ZSWIM6: variants seen among roughly 807,000 people sequenced by gnomAD.
ZSWIM6 encodes zinc finger SWIM domain-containing protein 6.
Under a neutral mutation model 113.2 loss-of-function variants are expected in ZSWIM6, and 9 were observed. That is an observed-to-expected ratio of 0.08 (90% confidence interval 0.05 to 0.14). ZSWIM6 has a LOEUF of 0.14. Among genes scored for constraint, ZSWIM6 ranks in the 10% least tolerant of loss-of-function variants. The pLI is 1.00. For missense variants in ZSWIM6, 1,162 were observed against 1,552.2 expected, an observed-to-expected ratio of 0.75 and a Z score of 4.22; for synonymous variants, 611 against 606.5, an observed-to-expected ratio of 1.01 and a Z score of -0.11.
intron 4 of ZSWIM6, among the ~76,000 whole-genome samples, chr5:61,495,280 A>G (rs1475363808): frequency 6.6e-6 from 1 of 152,120 alleles, no homozygotes; most frequent in East Asian, 1.9e-4. Flanking sequence ...GAAGATACCA[A>G]ATGACCATGA....
chr5:61,525,565 T>G (rs1351006287), intron 5 of ZSWIM6, among the ~76,000 whole-genome samples: 1 of 152,164 alleles, frequency 6.6e-6, no homozygotes. Context: ...AACCTTAGCT[T>G]TAATGGCTGC....
intron 4 of ZSWIM6, among the ~76,000 whole-genome samples, chr5:61,503,040 A>G (rs996362317): frequency 2.0e-5 from 3 of 152,186 alleles, no homozygotes; most frequent in Non-Finnish European, 4.4e-5. Flanking sequence ...TATATACTTT[A>G]GGGGAAGGCA....
At chr5:61,357,638 T>C (rs1319834805) in intron 1 of ZSWIM6, among the ~76,000 whole-genome samples, 1 of 151,674 alleles carries the variant, frequency 6.6e-6, no homozygotes, top group Non-Finnish European at 1.5e-5. Context: ...GCTCTCAGAG[T>C]GTATCTGTGG....
chr5:61,488,564 G>A (rs1427452796), intron 2 of ZSWIM6, among the ~76,000 whole-genome samples: 1 of 151,906 alleles, frequency 6.6e-6, no homozygotes, highest in Non-Finnish European at 1.5e-5. Context: ...AGGCTTTTCT[G>A]TTTCTTCTAG....
At position 61,531,593 on chromosome 5, in the gene ZSWIM6, A is replaced by G; in HGVS notation, c.2113A>G (p.Met705Val). Reference protein sequence around the residue: ...ALIGLGQQRIMPDGLYTQEKV... With the variant: ...ALIGLGQQRIVPDGLYTQEKV... ...GATAGGGCTAGGACAGCAGCGTATC[A>G]TGCCTGATGGGCTGTACACACAAGA... The change falls in exon 9 of 14, where the codon ATG becomes GTG. Residue 705 changes from methionine to valine, a missense_variant. Physicochemically the swap from Met to Val is conservative, Grantham distance 21 (BLOSUM62 1). Coordinates refer to ENST00000252744, the MANE Select transcript of ZSWIM6 (RefSeq NM_020928.2). The G allele has an allele frequency of 6.4e-7, 1 of 1,551,712 alleles. No individual in the cohort carries two copies. Among genetic ancestry groups the G allele is most frequent in the Non-Finnish European group, 8.7e-7 (1 of 1,146,994 alleles).
At chr5:61,341,760 C>T (rs560983525) in intron 1 of ZSWIM6, among the ~76,000 whole-genome samples, 1 of 151,368 alleles carries the variant, frequency 6.6e-6, no homozygotes, top group African/African-American at 2.4e-5. Flanking sequence ...AACGTGCCTC[C>T]TCCTCCTTCA....
intron 7 of ZSWIM6, 75 bp downstream of exon 7, chr5:61,526,471 G>A (rs560045642): frequency 1.3e-6 from 2 of 1,500,008 alleles, no homozygotes; most frequent in African/African-American, 2.8e-5. Context: ...TGTTCTGGGA[G>A]AGATGGCTTT....
At chr5:61,494,594 A>G (rs373151444) in intron 4 of ZSWIM6, among the ~76,000 whole-genome samples, 184 bp downstream of exon 4, 85 of 152,066 alleles carry the variant, frequency 5.6e-4, no homozygotes, top group Admixed American at 5.3e-3. Flanking sequence ...ACAGAAAACA[A>G]CCTTAGCAGG....
intron 10 of ZSWIM6, among the ~76,000 whole-genome samples, chr5:61,538,375 T>C (rs1405904067): frequency 1.3e-5 from 2 of 152,270 alleles, no homozygotes; most frequent in Non-Finnish European, 2.9e-5. Context: ...TACTCACTGC[T>C]TCCTGACTGT....
Position 61,332,523 on chromosome 5 carries a change from G to A in ZSWIM6, c.251G>A (p.Arg84Lys). 1.5e-6 allele frequency: 2 copies of A among 1,332,918 alleles called. No individual in the cohort carries two copies. The highest frequency in any genetic ancestry group is 4.4e-5 in the East Asian group (1 of 22,732). 82.6% of individuals were successfully genotyped at this position (1,332,918 alleles called of 1,614,324 possible). ...PESLLDIAAR[R>K]VAEKWPFQRV... ...TCGCTGCTGGACATCGCGGCGCGCA[G>A]GGTGGCGGAGAAGTGGCCGTTCCAG... Residue 84 changes from arginine to lysine, a missense_variant, in exon 1 of 14, where the codon AGG becomes AAG. Physicochemically the swap from Arg to Lys is conservative, Grantham distance 26. Transcript: ENST00000252744.
At chr5:61,454,214 A>AATTTTATTTTATTTT (rs140502029) in intron 1 of ZSWIM6, among the ~76,000 whole-genome samples, 2,408 of 128,482 alleles carry the variant, frequency 0.019, 67 homozygotes, top group South Asian at 0.1. Context: ...GAGTTCCCTA[A>AATTTTATTTTATTTT]ATTTTATTTT....
chr5:61,364,288 G>A (rs1745107715), intron 1 of ZSWIM6, among the ~76,000 whole-genome samples: 1 of 152,162 alleles, frequency 6.6e-6, no homozygotes, highest in Admixed American at 6.5e-5. Context: ...TAAAATTGTA[G>A]TTGGTAGGTT....
intron 1 of ZSWIM6, among the ~76,000 whole-genome samples, chr5:61,379,771 C>A (rs1323622793): frequency 6.6e-6 from 1 of 152,086 alleles, no homozygotes; most frequent in African/African-American, 2.4e-5. Context: ...AAAACAAATA[C>A]CTCCCTCAAA....
intron 1 of ZSWIM6, among the ~76,000 whole-genome samples, chr5:61,386,513 T>A (rs1335858584): frequency 6.6e-6 from 1 of 152,162 alleles, no homozygotes; most frequent in Non-Finnish European, 1.5e-5. Flanking sequence ...GCTACCCTCT[T>A]TTTCAGTCAA....
chr5:61,357,620 GA>G (rs1346607462), intron 1 of ZSWIM6, among the ~76,000 whole-genome samples: 4 of 151,678 alleles, frequency 2.6e-5, no homozygotes, highest in African/African-American at 9.7e-5. Flanking sequence ...GCTCACTTGA[GA>G]TATAGAGCTC....
In ZSWIM6 at chr5:61,520,840, T is replaced by C. The variant is rs1321939465; in HGVS notation, c.1334-423T>C. Among the ~76,000 whole-genome samples the C allele has an allele frequency of 2.0e-5, 3 of 152,310 alleles. No homozygotes were observed. In the East Asian group the frequency reaches 5.8e-4, roughly 29 times the overall value. ...TTGGAGTGATATATTGCAGTATCCA[T>C]GTATAGAGTCTGTAAATTGGACACT... On this transcript the variant is annotated intron_variant, in intron 4 of 13. Coordinates refer to ENST00000252744, the MANE Select transcript of ZSWIM6 (RefSeq NM_020928.2).
rs1365354191 is a variant in ZSWIM6, at chr5:61,509,976, T to C, written c.1334-11287T>C. 2.0e-5 allele frequency among the ~76,000 whole-genome samples: 3 copies of C among 151,934 alleles called. No individual in the cohort carries two copies. The East Asian group carries it at 5.8e-4, about 30-fold the overall frequency. The stretch of plus-strand genomic sequence containing the variant: ...CTTTCATCACAATGGTTTGCAGGAG[T>C]GCACCTTTTGAAGCTGTGTGAATTC... On this transcript the variant is annotated intron_variant, in intron 4 of 13. Coordinates refer to ENST00000252744, the MANE Select transcript of ZSWIM6 (RefSeq NM_020928.2).
chr5:61,378,948 G>C (rs1038806675), intron 1 of ZSWIM6, among the ~76,000 whole-genome samples: 1 of 152,030 alleles, frequency 6.6e-6, no homozygotes, highest in South Asian at 2.1e-4. Context: ...AGGAGGCTGA[G>C]GCAAGAGGAT....
At chr5:61,493,724 G>A (rs1361172094) in intron 3 of ZSWIM6, among the ~76,000 whole-genome samples, 1 of 152,086 alleles carries the variant, frequency 6.6e-6, no homozygotes, top group East Asian at 1.9e-4. Flanking sequence ...ATCTGTTTTG[G>A]TATACTAGGT....
Sources: allele counts gnomAD v4.1 joint callset (sites outside exome capture counted in the v4.1 genomes callset), GRCh38; gene constraint gnomAD v4.1.1; transcripts MANE v1.5; gene names NCBI Gene and HGNC (gene_info 2026-07-23, HGNC 2026-07-21).